The following SFT2D1 variants were observed in gnomAD, a reference collection of about 807,000 sequenced individuals.
The protein encoded by SFT2D1 is SFT2 domain containing 1, also known as vesicle transport protein SFT2A.
In SFT2D1, 24 loss-of-function variants were observed where a neutral mutation model predicts 28.1. The observed-to-expected ratio is 0.85, with a 90% CI of 0.62 to 1.20. The LOEUF is 1.20. Ranked by LOEUF, SFT2D1 falls within the 50% of genes most tolerant of loss-of-function variation. The probability of loss-of-function intolerance (pLI) is 0.00; values close to 1 mark genes in which losing one functional copy is unlikely to be tolerated. For synonymous variants in SFT2D1, 82 were observed against 73.7 expected (o/e 1.11, Z -0.58); for missense variants, 181 against 190.9 (o/e 0.95, Z 0.31).
chr6:166,326,292 T>A, intron 4 of SFT2D1, 125 bp from the exon 5 acceptor site: 1 of 762,338 alleles, frequency 1.3e-6, no homozygotes, highest in Non-Finnish European at 2.1e-6. Flanking sequence ...AGAATACAGC[T>A]GAATAGTTTT....
In SFT2D1 at chr6:166,328,937, CCT is replaced by C. The variant is rs549093434; in HGVS notation, c.233+568_233+569del. Reference sequence around the variant, plus strand: ...TAGCCCTCTGTCACTACTGCCACACCCTGTTTTAATTCTCTGCACAGCACCAA... The same window carrying C: ...TAGCCCTCTGTCACTACTGCCACACCGTTTTAATTCTCTGCACAGCACCAA... On this transcript the variant is annotated intron_variant, in intron 3 of 7. Transcript: ENST00000361731. Among the ~76,000 whole-genome samples, 571 of 152,300 alleles carry C rather than the reference CCT, an allele frequency of 3.7e-3. 5 individuals carry two copies. Among genetic ancestry groups the C allele is most frequent in the African/African-American group, 0.013 (532 of 41,560 alleles).
intron 4 of SFT2D1, 48 bp downstream of exon 4, chr6:166,328,228 T>C: frequency 8.3e-7 from 1 of 1,197,922 alleles, no homozygotes; most frequent in Non-Finnish European, 1.2e-6. Context: ...AAAATAACAG[T>C]GCAAAGAATA....
At chr6:166,335,337 A>G (rs1370852494) in intron 1 of SFT2D1, 15 of 577,616 alleles carry the variant, frequency 2.6e-5, no homozygotes, top group Admixed American at 1.1e-4. Flanking sequence ...GATGGAATCA[A>G]TTCTGGAGGT....
intron 1 of SFT2D1, among the ~76,000 whole-genome samples, chr6:166,336,192 T>C (rs1778647305): frequency 6.6e-6 from 1 of 152,070 alleles, no homozygotes; most frequent in South Asian, 2.1e-4. Flanking sequence ...TGATGCCAGG[T>C]TCTACTTGGA....
chr6:166,330,815 T>G (rs62438388), intron 1 of SFT2D1, among the ~76,000 whole-genome samples: 24 of 151,852 alleles, frequency 1.6e-4, no homozygotes, highest in Non-Finnish European at 3.2e-4. Context: ...AGGCCAGGGG[T>G]GGGGTGGGGT....
At chr6:166,337,274 G>A (rs1778673716) in intron 1 of SFT2D1, among the ~76,000 whole-genome samples, 1 of 152,208 alleles carries the variant, frequency 6.6e-6, no homozygotes. Context: ...CTGGCACAGT[G>A]GTTGGGAAGC....
chr6:166,324,303 C>G, intron 6 of SFT2D1: 1 of 422,594 alleles, frequency 2.4e-6, no homozygotes, highest in South Asian at 7.0e-5. Flanking sequence ...AAAAGCAGAA[C>G]ATATCACTAT....
intron 1 of SFT2D1, among the ~76,000 whole-genome samples, chr6:166,332,431 T>A (rs777160821): frequency 7.2e-5 from 11 of 152,204 alleles, no homozygotes; most frequent in Admixed American, 1.3e-4. Context: ...ATTTTTTGTA[T>A]TTTTAGTAGA....
intron 1 of SFT2D1, among the ~76,000 whole-genome samples, chr6:166,333,546 T>C (rs1050085111): frequency 1.3e-5 from 2 of 152,222 alleles, no homozygotes; most frequent in African/African-American, 2.4e-5. Context: ...CTCCGTTTTT[T>C]CAGCGGCTTC....
chr6:166,325,114 CTTAT>C (rs149432222), intron 5 of SFT2D1, among the ~76,000 whole-genome samples: 1,810 of 152,134 alleles, frequency 0.012, 32 homozygotes, highest in African/African-American at 0.041. Flanking sequence ...TGCTTTTTTA[CTTAT>C]TTATCTTCAA....
intron 7 of SFT2D1, among the ~76,000 whole-genome samples, chr6:166,321,303 A>G (rs1778351137): frequency 6.6e-6 from 1 of 152,194 alleles, no homozygotes; most frequent in Non-Finnish European, 1.5e-5. Context: ...CTTATAGGCA[A>G]AATCTGTACA....
At chr6:166,324,785 A>C (rs1412697573) in intron 5 of SFT2D1, 190 bp from the exon 6 acceptor site, 2 of 573,878 alleles carry the variant, frequency 3.5e-6, no homozygotes, top group African/African-American at 3.8e-5. Context: ...TTCCTTTCTA[A>C]AACTATATCC....
At chr6:166,325,865 G>A in intron 5 of SFT2D1, 2 of 544,568 alleles carry the variant, frequency 3.7e-6, no homozygotes, top group Non-Finnish European at 3.3e-6. Flanking sequence ...GCAGACAGTA[G>A]AATCTATGGC....
chr6:166,325,962 G>A, intron 5 of SFT2D1, 170 bp downstream of exon 5: 1 of 668,816 alleles, frequency 1.5e-6, no homozygotes, highest in Non-Finnish European at 2.6e-6. Context: ...AGAATCTATG[G>A]CATTTTTAGC....
intron 1 of SFT2D1, among the ~76,000 whole-genome samples, chr6:166,340,203 T>G (rs947375085): frequency 1.3e-5 from 2 of 152,348 alleles, no homozygotes; most frequent in Non-Finnish European, 1.5e-5. Flanking sequence ...TATCACTGAT[T>G]TGAGCCACAG....
At chr6:166,320,345 A>C (rs1210796415) in intron 7 of SFT2D1, 89 bp from the exon 8 acceptor site, 2 of 1,058,600 alleles carry the variant, frequency 1.9e-6, no homozygotes, top group African/African-American at 3.2e-5. Context: ...ACCTTTTTTA[A>C]CAGAACTCAA....
chr6:166,322,202 T>C (rs1351177201), intron 7 of SFT2D1, among the ~76,000 whole-genome samples: 1 of 152,214 alleles, frequency 6.6e-6, no homozygotes, highest in African/African-American at 2.4e-5. Context: ...TTTTCTTAAG[T>C]AGAATTTGTT....
chr6:166,337,046 G>A (rs1291164205), intron 1 of SFT2D1, among the ~76,000 whole-genome samples: 1 of 152,236 alleles, frequency 6.6e-6, no homozygotes, highest in Non-Finnish European at 1.5e-5. Flanking sequence ...CAATTACACA[G>A]GCTCTAGCAG....
At chr6:166,338,503 T>A (rs1422542855) in intron 1 of SFT2D1, among the ~76,000 whole-genome samples, 1 of 151,958 alleles carries the variant, frequency 6.6e-6, no homozygotes, top group East Asian at 1.9e-4. Context: ...AGGAAGAGCC[T>A]CTCTAAAGAG....
Sources: gnomAD v4.1 joint callset for allele counts (sites outside exome capture counted in the v4.1 genomes callset) on GRCh38, gnomAD v4.1.1 for gene constraint, MANE v1.5 for transcripts, NCBI Gene and HGNC (gene_info 2026-07-23, HGNC 2026-07-21) for gene names.